Variants in ABCD4 observed in about 807,000 individuals in gnomAD.
The protein encoded by ABCD4 is ATP binding cassette subfamily D member 4, also known as lysosomal cobalamin transporter ABCD4.
Under a neutral mutation model 86.3 loss-of-function variants are expected in ABCD4, and 53 were observed. That is an observed-to-expected ratio of 0.61 (90% CI 0.49 to 0.77). The LOEUF is 0.77. Ranked by LOEUF, ABCD4 falls within the 30% of genes least tolerant of loss-of-function variation. The probability of loss-of-function intolerance (pLI) is 0.00; values close to 1 mark genes in which losing one functional copy is unlikely to be tolerated. For missense variants in ABCD4, 757 were observed against 764.5 expected, an observed-to-expected ratio of 0.99 and a Z score of 0.12; for synonymous variants, 328 against 313.6, an observed-to-expected ratio of 1.05 and a Z score of -0.49.
intron 7 of ABCD4, 99 bp downstream of exon 7, chr14:74,295,049 C>T: frequency 6.9e-7 from 1 of 1,441,470 alleles, no homozygotes; most frequent in Non-Finnish European, 9.7e-7. Context: ...CAACACTCAG[C>T]CCCTGAGCTC....
In ABCD4 at chr14:74,286,239, C is replaced by T; in HGVS notation, c.*222G>A. The T allele has an allele frequency of 1.9e-6, 1 of 518,486 alleles. No homozygotes were observed. The highest frequency in any genetic ancestry group is 3.4e-6 in the Non-Finnish European group (1 of 292,402). The allele number at this position is 518,486 out of a possible 1,614,324, so 32.1% of individuals were successfully genotyped here. ...CATATGGAGGCTCTGGCTGAGGCAG[C>T]AGAGTCCTGGGAGACTGAACACTGG... is the stretch of plus-strand genomic sequence containing the variant. On this transcript the variant is annotated 3_prime_UTR_variant, in exon 19 of 19. Coordinates refer to ENST00000356924, the MANE Select transcript of ABCD4 (RefSeq NM_005050.4).
At chr14:74,295,729 A>G in intron 6 of ABCD4, 125 bp downstream of exon 6, 1 of 1,313,410 alleles carries the variant, frequency 7.6e-7, no homozygotes, top group Admixed American at 2.2e-5. Flanking sequence ...GAGGTTAAAG[A>G]CCTCTCCAAG....
rs2084036329 is a variant in ABCD4, at chr14:74,300,187, G to C, written c.120C>G (p.Ala40=). Residue 40 remains alanine, a synonymous_variant, in exon 2 of 19, where the codon GCC becomes GCG. Transcript: ENST00000356924. ...VLFPSWSSQN[A]LMFLTLLCLT... Reference sequence around the variant, plus strand: ...GGCACAAAAGGGTCAGGAACATCAAGGCATTTTGTGATGACCAAGAAGGAA... The same window carrying C: ...GGCACAAAAGGGTCAGGAACATCAACGCATTTTGTGATGACCAAGAAGGAA... 6 of 1,613,586 alleles carry C rather than the reference G, an allele frequency of 3.7e-6. No homozygotes were observed. The highest frequency in any genetic ancestry group is 5.1e-6 in the Non-Finnish European group (6 of 1,179,880).
At chr14:74,294,578 C>G (rs542695977) in intron 7 of ABCD4, 1 of 154,418 alleles carries the variant, frequency 6.5e-6, no homozygotes, top group South Asian at 2.0e-4. Context: ...AATCCTAACG[C>G]TGATTTCAGA....
intron 2 of ABCD4, 86 bp from the exon 3 acceptor site, chr14:74,299,761 C>T (rs984633739): frequency 7.1e-6 from 10 of 1,400,600 alleles, no homozygotes; most frequent in South Asian, 1.3e-5. Context: ...CTCATCAGCA[C>T]CCCAAAGAGA....
rs747425291 is a variant in ABCD4 at position 74,289,529 on chromosome 14, G to GA, written c.1420-11dup. 3 of 1,609,890 alleles carry GA rather than the reference G, an allele frequency of 1.9e-6. No individual in the cohort carries two copies. The highest frequency in any genetic ancestry group is 2.5e-6 in the Non-Finnish European group (3 of 1,178,258). On this transcript the variant is annotated splice_polypyrimidine_tract_variant and intron_variant, in intron 13 of 18. Transcript: ENST00000356924. ...TCAGGGGATATATCACCTGAGAAAA[G>GA]AAAAAAACCACACCAACCTAGGAGG...
At chr14:74,289,247 A>G (rs1209260199) in intron 14 of ABCD4, 1 of 1,350,554 alleles carries the variant, frequency 7.4e-7, no homozygotes, top group East Asian at 2.8e-5. Context: ...GGGTGGGTGA[A>G]GGAAGGCATC....
At chr14:74,294,778 A>T in intron 7 of ABCD4, 1 of 216,908 alleles carries the variant, frequency 4.6e-6, no homozygotes. Context: ...CTACGGAGAC[A>T]AAGGATCAGG....
intron 13 of ABCD4, 50 bp downstream of exon 13, chr14:74,289,977 G>T (rs1200808659): frequency 6.2e-7 from 1 of 1,612,658 alleles, no homozygotes; most frequent in Non-Finnish European, 8.5e-7. Context: ...TCCCAGCTGT[G>T]GGTGGGCGGG....
chr14:74,286,795 G>A lies in ABCD4; in HGVS notation c.1658C>T (p.Ala553Val). The change falls in exon 18 of 19, where the codon GCC (alanine) becomes GTC (valine). Residue 553 changes from alanine to valine, a missense_variant. Physicochemically the swap from Ala to Val is moderately conservative, Grantham distance 64. Coordinates refer to ENST00000356924, the MANE Select transcript of ABCD4 (RefSeq NM_005050.4). ...CTCGCTCTCCACTTCCTCTGTCAGG[G>A]CACTGGTGGCTTCATCAAGCACTGA... is the stretch of plus-strand genomic sequence containing the variant. Reference protein sequence around the residue: ...KYAVLDEATSALTEEVESELY... With the variant: ...KYAVLDEATSVLTEEVESELY... 4 of 1,614,062 alleles carry A rather than the reference G, an allele frequency of 2.5e-6. No homozygotes were observed. Among genetic ancestry groups the A allele is most frequent in the Non-Finnish European group, 3.4e-6 (4 of 1,180,040 alleles).
intron 15 of ABCD4, 104 bp from the exon 16 acceptor site, chr14:74,288,363 G>T: frequency 8.6e-7 from 1 of 1,158,084 alleles, no homozygotes; most frequent in Non-Finnish European, 1.2e-6. Flanking sequence ...ACACCTCTAA[G>T]ACAAATATAT....
At chr14:74,300,375 A>C (rs1320899583) in intron 1 of ABCD4, 107 bp from the exon 2 acceptor site, 4 of 715,824 alleles carry the variant, frequency 5.6e-6, no homozygotes, top group South Asian at 1.8e-5. Context: ...CAGGCCATGC[A>C]GAAAGAATGG....
intron 8 of ABCD4, 37 bp downstream of exon 8, chr14:74,293,116 AC>A (rs1278144182): frequency 6.3e-7 from 1 of 1,598,188 alleles, no homozygotes; most frequent in South Asian, 1.1e-5. Flanking sequence ...GACCAGTCCA[AC>A]CCCATGGTTC....
At chr14:74,299,314 C>A (rs1014929671) in intron 3 of ABCD4, 15 of 466,590 alleles carry the variant, frequency 3.2e-5, no homozygotes, top group African/African-American at 2.2e-4. Flanking sequence ...CTGAATTAAA[C>A]CAGAACCTGT....
intron 3 of ABCD4, 185 bp downstream of exon 3, chr14:74,299,363 C>T: frequency 1.5e-6 from 1 of 676,266 alleles, no homozygotes; most frequent in Non-Finnish European, 2.4e-6. Context: ...AGGAATCAGT[C>T]CCACGTGGGC....
intron 15 of ABCD4, 47 bp downstream of exon 15, chr14:74,288,669 G>C: frequency 6.2e-7 from 1 of 1,602,638 alleles, no homozygotes; most frequent in Non-Finnish European, 8.5e-7. Context: ...CCTGTAGCTG[G>C]TGCTCCCAGG....
In ABCD4 at chr14:74,285,970, A is replaced by AT. The variant is rs1399731652; in HGVS notation, c.*490dup. On this transcript the variant is annotated 3_prime_UTR_variant, in exon 19 of 19. Coordinates refer to ENST00000356924, the MANE Select transcript of ABCD4 (RefSeq NM_005050.4). ...ATTCAATAAAAAAGATCATTCCATG[A>AT]TAGAGAAGACAGAAAGCTGTAATTC... 6.5e-6 allele frequency: 1 copy of AT among 153,562 alleles called. No individual in the cohort carries two copies. The allele number at this position is 153,562 out of a possible 1,614,324, so 9.5% of individuals were successfully genotyped here.
chr14:74,299,266 C>G (rs2140085931), intron 3 of ABCD4: 2 of 291,334 alleles, frequency 6.9e-6, no homozygotes, highest in Non-Finnish European at 6.5e-6. Context: ...AATAAGAGTT[C>G]TAGGAAGGAA....
In ABCD4 at chr14:74,300,276, G is replaced by A. The variant is rs1276508758; in HGVS notation, c.39-8C>T. ...TGCAGATCTAACCTGGGCCTGAAGAGAAGGTGGGGAGGCAGAGAAAAGCCC... is the reference window on the plus strand; with the variant it reads ...TGCAGATCTAACCTGGGCCTGAAGAAAAGGTGGGGAGGCAGAGAAAAGCCC... On this transcript the variant is annotated splice_polypyrimidine_tract_variant and splice_region_variant and intron_variant, in intron 1 of 18. Transcript: ENST00000356924. 2 of 1,582,286 alleles carry A rather than the reference G, an allele frequency of 1.3e-6. No homozygotes were observed. Among genetic ancestry groups the A allele is most frequent in the South Asian group, 2.2e-5 (2 of 90,274 alleles).
Sources: allele counts gnomAD v4.1 joint callset, GRCh38; gene constraint gnomAD v4.1.1; transcripts MANE v1.5; gene names NCBI Gene and HGNC (gene_info 2026-07-23, HGNC 2026-07-21).